Variants in MYO16 observed in about 807,000 individuals in gnomAD.
The protein encoded by MYO16 is unconventional myosin-XVI.
A neutral mutation model predicts 205.3 loss-of-function variants in MYO16; 94 were observed. That is an observed-to-expected ratio of 0.46 (90% CI 0.39 to 0.54). The LOEUF (loss-of-function observed/expected upper bound fraction) is 0.54, where lower values mean the gene tolerates loss of function less well. Among genes scored for constraint, MYO16 ranks in the 20% least tolerant of loss-of-function variants. The pLI, the probability that MYO16 is intolerant of heterozygous loss-of-function variation, is 0.00. For synonymous variants in MYO16, 988 were observed against 954.0 expected (o/e 1.04, Z -0.66); for missense variants, 2,315 against 2,387.5 (o/e 0.97, Z 0.63).
At chr13:109,100,604 A>G (rs1304588452) in intron 27 of MYO16, among the ~76,000 whole-genome samples, 181 bp from the exon 28 acceptor site, 1 of 152,196 alleles carries the variant, frequency 6.6e-6, no homozygotes, top group East Asian at 1.9e-4. Context: ...TTCCCTTATA[A>G]AAGATAAGGA....
intron 10 of MYO16, among the ~76,000 whole-genome samples, chr13:108,848,389 C>A (rs181390884): frequency 3.2e-4 from 48 of 152,280 alleles, no homozygotes; most frequent in Non-Finnish European, 8.8e-5. Context: ...CTTAGAAATG[C>A]GTTCACCTGC....
At chr13:108,767,376 A>G (rs1401764400) in intron 4 of MYO16, among the ~76,000 whole-genome samples, 1 of 152,158 alleles carries the variant, frequency 6.6e-6, no homozygotes, top group Non-Finnish European at 1.5e-5. Flanking sequence ...TGCTGGGATT[A>G]CAGGCATGAG....
At chr13:108,565,809 G>A in the MYO16 span, among the ~76,000 whole-genome samples, 1 of 152,310 alleles carries the variant, frequency 6.6e-6, no homozygotes, top group Non-Finnish European at 1.5e-5. Flanking sequence ...AATATTAGCT[G>A]TGGGTCTGTC....
chr13:108,516,357 T>C, the MYO16 span, among the ~76,000 whole-genome samples: 1 of 151,806 alleles, frequency 6.6e-6, no homozygotes, highest in Non-Finnish European at 1.5e-5. Flanking sequence ...GCGCACACAC[T>C]GGCCTGCGCC....
chr13:109,129,603 A>G (rs1876432791), intron 31 of MYO16, among the ~76,000 whole-genome samples: 1 of 152,190 alleles, frequency 6.6e-6, no homozygotes, highest in Non-Finnish European at 1.5e-5. Flanking sequence ...AAAAGGTGTG[A>G]TTAGAATAAC....
At chr13:108,816,130 T>A (rs1875587516) in intron 7 of MYO16, among the ~76,000 whole-genome samples, 1 of 152,042 alleles carries the variant, frequency 6.6e-6, no homozygotes, top group South Asian at 2.1e-4. Flanking sequence ...TCACAAAAAC[T>A]CACTTGAAAT....
rs1022444761 is a variant in MYO16, at chr13:108,853,538, G to A, written c.1249-1905G>A. On this transcript the variant is annotated intron_variant, in intron 10 of 34. Transcript: ENST00000457511. Reference sequence around the variant, plus strand: ...AAAATAATGAACTCAGGGTGTTTGAGTTTGTGCATCTTGGTGGGGAAGGGT... The same window carrying A: ...AAAATAATGAACTCAGGGTGTTTGAATTTGTGCATCTTGGTGGGGAAGGGT... 2.0e-5 allele frequency among the ~76,000 whole-genome samples: 3 copies of A among 151,364 alleles called. No homozygotes were observed. In the East Asian group the frequency reaches 5.8e-4, roughly 29 times the overall value.
chr13:109,132,010 C>A (rs1876564210), intron 31 of MYO16, among the ~76,000 whole-genome samples: 1 of 152,152 alleles, frequency 6.6e-6, no homozygotes, highest in African/African-American at 2.4e-5. Flanking sequence ...GACTGTAAAG[C>A]CTCATTGCCC....
the MYO16 span, among the ~76,000 whole-genome samples, chr13:108,529,879 G>A: frequency 2.0e-5 from 3 of 152,146 alleles, no homozygotes; most frequent in Non-Finnish European, 2.9e-5. Context: ...GTGCCACTGC[G>A]ATTGCCTTTG....
At chr13:108,715,072 T>C (rs1883888727) in intron 3 of MYO16, among the ~76,000 whole-genome samples, 1 of 152,228 alleles carries the variant, frequency 6.6e-6, no homozygotes, top group Non-Finnish European at 1.5e-5. Flanking sequence ...GCCAAAGTCC[T>C]GCTTATGGCC....
chr13:109,121,836 A>G (rs1876006612), intron 29 of MYO16, among the ~76,000 whole-genome samples: 1 of 152,170 alleles, frequency 6.6e-6, no homozygotes, highest in Non-Finnish European at 1.5e-5. Context: ...GCCAACTGCT[A>G]CCTCTTGGTA....
chr13:108,611,970 T>C (rs1024540948), intron 1 of MYO16, among the ~76,000 whole-genome samples: 2 of 141,196 alleles, frequency 1.4e-5, no homozygotes, highest in African/African-American at 2.6e-5. Flanking sequence ...TTTTTTTTTT[T>C]TCTTTTTTTT....
At chr13:108,563,272 T>A in the MYO16 span, among the ~76,000 whole-genome samples, 1 of 152,178 alleles carries the variant, frequency 6.6e-6, no homozygotes, top group Non-Finnish European at 1.5e-5. Context: ...ATGCATATAA[T>A]CATGTCATGG....
intron 1 of MYO16, among the ~76,000 whole-genome samples, chr13:108,641,396 A>T (rs1044118223): frequency 6.6e-6 from 1 of 152,224 alleles, no homozygotes; most frequent in African/African-American, 2.4e-5. Flanking sequence ...AAAGGCAGGC[A>T]CAAATTAACG....
Position 109,077,466 on chromosome 13 carries a change from T to C in MYO16, c.3335+21871T>C, listed in dbSNP as rs1414028068. On this transcript the variant is annotated intron_variant, in intron 27 of 34. Coordinates refer to ENST00000457511, the MANE Select transcript of MYO16 (RefSeq NM_001198950.3). ...TACCAGAGGGTTAGGTTTACTATAA[T>C]TGACGAATTTGCATTGACACATTAT... Among the ~76,000 whole-genome samples, 4 of 152,314 alleles carry C rather than the reference T, an allele frequency of 2.6e-5. No homozygotes were observed. In the South Asian group the frequency reaches 6.2e-4, roughly 24 times the overall value.
intron 21 of MYO16, among the ~76,000 whole-genome samples, chr13:109,008,053 G>A (rs1012889970): frequency 6.6e-6 from 1 of 152,060 alleles, no homozygotes; most frequent in African/African-American, 2.4e-5. Context: ...TTGTAATATT[G>A]GAATCATACT....
chr13:109,070,237 A>G (rs764443078), intron 27 of MYO16, among the ~76,000 whole-genome samples: 7 of 152,198 alleles, frequency 4.6e-5, no homozygotes, highest in Non-Finnish European at 1.0e-4. Context: ...CCATCTTCCC[A>G]TAAGTCTCAT....
intron 14 of MYO16, among the ~76,000 whole-genome samples, chr13:108,889,783 C>T (rs1330417200): frequency 2.0e-5 from 3 of 152,208 alleles, no homozygotes; most frequent in African/African-American, 7.2e-5. Context: ...GGTACACCAG[C>T]AGCTCTGGAT....
At chr13:109,086,205 C>T (rs1279814604) in intron 27 of MYO16, among the ~76,000 whole-genome samples, 1 of 152,162 alleles carries the variant, frequency 6.6e-6, no homozygotes, top group Non-Finnish European at 1.5e-5. Context: ...AATCGAAGGT[C>T]ACACTTCTGT....
Sources: gnomAD v4.1 joint callset for allele counts (sites outside exome capture counted in the v4.1 genomes callset) on GRCh38, gnomAD v4.1.1 for gene constraint, MANE v1.5 for transcripts, NCBI Gene and HGNC (gene_info 2026-07-23, HGNC 2026-07-21) for gene names.